TKT: variants seen among roughly 807,000 people sequenced by gnomAD.
TKT encodes the protein transketolase.
Under a neutral mutation model 63.9 loss-of-function variants are expected in TKT, and 47 were observed. That is an observed-to-expected ratio of 0.74 (90% CI 0.58 to 0.94). TKT has a LOEUF of 0.94. Ranked by LOEUF, TKT falls within the 40% of genes least tolerant of loss-of-function variation. TKT has a pLI of 0.00. For missense variants in TKT, 721 were observed against 846.2 expected, an observed-to-expected ratio of 0.85 and a Z score of 1.84; for synonymous variants, 338 against 334.1, an observed-to-expected ratio of 1.01 and a Z score of -0.13.
intron 1 of TKT, among the ~76,000 whole-genome samples, chr3:53,254,698 T>C (rs1354731924): frequency 6.6e-6 from 1 of 152,148 alleles, no homozygotes; most frequent in Non-Finnish European, 1.5e-5. Context: ...ACTGGAGTCC[T>C]TGAAACCACC....
chr3:53,247,633 CAAAAAAAA>C (rs3075723), intron 1 of TKT, among the ~76,000 whole-genome samples: 4 of 66,986 alleles, frequency 6.0e-5, no homozygotes, highest in African/African-American at 2.6e-4. Flanking sequence ...GACTCCACCT[CAAAAAAAA>C]AAAAAAAAAA....
At chr3:53,240,968 TAC>T (rs1553679675) in intron 3 of TKT, among the ~76,000 whole-genome samples, 162 bp downstream of exon 3, 1 of 152,204 alleles carries the variant, frequency 6.6e-6, no homozygotes, top group Non-Finnish European at 1.5e-5. Flanking sequence ...TTGGGTTGAA[TAC>T]GTGTCCCCAA....
chr3:53,241,471 T>G (rs1240166153), intron 2 of TKT, among the ~76,000 whole-genome samples: 1 of 152,218 alleles, frequency 6.6e-6, no homozygotes, highest in Non-Finnish European at 1.5e-5. Flanking sequence ...CTAAGACAGG[T>G]GCAGGGGGCA....
At chr3:53,232,798 G>A (rs1329165527) in intron 6 of TKT, 5 of 409,844 alleles carry the variant, frequency 1.2e-5, no homozygotes, top group East Asian at 7.2e-5. Flanking sequence ...CCTTCAGCTG[G>A]AGCAGGTGGC....
intron 4 of TKT, chr3:53,235,419 G>T: frequency 2.4e-6 from 1 of 423,280 alleles, no homozygotes; most frequent in Non-Finnish European, 4.2e-6. Context: ...AGTACTGGTT[G>T]TTAAGAAACA....
In TKT at chr3:53,229,094, C is replaced by T. The variant is rs1553676284; in HGVS notation, c.1308G>A (p.Met436Ile). ...CAGTTGATGTGGGGACTGACCGAAA[C>T]ATAGCCAGATCTTCTAGGGCCATCT... The part of the protein sequence containing the change: ...PSQMALEDLA[M>I]FRSVPTSTVF... The change falls in exon 10 of 14, where the codon ATG (methionine) becomes ATA (isoleucine). Residue 436 changes from methionine to isoleucine, a missense_variant. Transcript: ENST00000462138. 1.2e-6 allele frequency: 2 copies of T among 1,614,072 alleles called. No homozygotes were observed. Among genetic ancestry groups the T allele is most frequent in the African/African-American group, 2.7e-5 (2 of 74,934 alleles).
At chr3:53,242,331 A>C in intron 1 of TKT, 89 bp from the exon 2 acceptor site, 3 of 1,287,910 alleles carry the variant, frequency 2.3e-6, no homozygotes, top group Non-Finnish European at 3.4e-6. Context: ...CTGGGGGTGC[A>C]TGTCCTGAGG....
In TKT at chr3:53,226,849, A is replaced by G; in HGVS notation, c.1603T>C (p.Phe535Leu). The change falls in exon 13 of 14, where the codon TTC becomes CTC. Residue 535 changes from phenylalanine (F) to leucine (L), a missense_variant. Physicochemically the swap from Phe to Leu is conservative, Grantham distance 22. Coordinates refer to ENST00000462138, the MANE Select transcript of TKT (RefSeq NM_001064.4). Reference sequence around the variant, plus strand: ...TTTCTGTCCAGGGGCTTGATGGTGAAGGGGTCCAGCACGCGGATGTTGATC... The same window carrying G: ...TTTCTGTCCAGGGGCTTGATGGTGAGGGGGTCCAGCACGCGGATGTTGATC... ...EKINIRVLDP[F>L]TIKPLDRKLI... 6.2e-7 allele frequency: 1 copy of G among 1,613,426 alleles called. No homozygotes were observed. The highest frequency in any genetic ancestry group is 8.5e-7 in the Non-Finnish European group (1 of 1,179,628).
At chr3:53,243,164 T>C (rs369848221) in intron 1 of TKT, among the ~76,000 whole-genome samples, 24 of 152,206 alleles carry the variant, frequency 1.6e-4, no homozygotes, top group African/African-American at 5.5e-4. Flanking sequence ...TTTTAATCAC[T>C]GAGCGGCTCC....
intron 1 of TKT, among the ~76,000 whole-genome samples, chr3:53,254,279 C>A (rs963121055): frequency 1.6e-4 from 24 of 152,310 alleles, no homozygotes; most frequent in African/African-American, 5.1e-4. Flanking sequence ...GCAGAGCTAC[C>A]GTGTGCCAGG....
chr3:53,249,580 G>A (rs1705661946), intron 1 of TKT, among the ~76,000 whole-genome samples: 1 of 152,148 alleles, frequency 6.6e-6, no homozygotes, highest in African/African-American at 2.4e-5. Flanking sequence ...GCGAGACTCT[G>A]TCAAACAAAC....
intron 3 of TKT, 29 bp from the exon 4 acceptor site, chr3:53,240,377 TGA>T (rs1553679557): frequency 6.3e-7 from 1 of 1,597,060 alleles, no homozygotes; most frequent in Admixed American, 1.7e-5. Context: ...ACCGTTAATC[TGA>T]GAGGAGAAGG....
Position 53,228,329 on chromosome 3 carries a change from CTGGGCGGCT to C in TKT, c.1417_1425del (p.Ser473_Pro475del). The C allele has an allele frequency of 6.2e-7, 1 of 1,614,186 alleles. No individual in the cohort carries two copies. Among genetic ancestry groups the C allele is most frequent in the Non-Finnish European group, 8.5e-7 (1 of 1,180,028 alleles). On this transcript the variant is annotated inframe_deletion, in exon 11 of 14. Transcript: ENST00000462138. ...TTGTTGTTATAGATGATGGCATTTT[CTGGGCGGCT>C]GGTCCGGATGAAGCAGATACCCTGA...
chr3:53,231,644 C>A (rs551613216), intron 6 of TKT, 94 bp from the exon 7 acceptor site: 538 of 1,331,142 alleles, frequency 4.0e-4, no homozygotes, highest in Non-Finnish European at 5.3e-4. Flanking sequence ...CTCTACCTGC[C>A]GAGGGCAAGG....
At chr3:53,254,888 G>A (rs1705913839) in intron 1 of TKT, among the ~76,000 whole-genome samples, 1 of 152,170 alleles carries the variant, frequency 6.6e-6, no homozygotes, top group South Asian at 2.1e-4. Context: ...CCACCTTCTG[G>A]GCCAAAAGGG....
intron 1 of TKT, among the ~76,000 whole-genome samples, chr3:53,243,947 C>G (rs1168124980): frequency 2.0e-5 from 3 of 152,218 alleles, no homozygotes; most frequent in African/African-American, 7.2e-5. Context: ...CTGCCCCATC[C>G]ACCTCGACAC....
At chr3:53,248,360 T>C (rs1559659408) in intron 1 of TKT, among the ~76,000 whole-genome samples, 1 of 152,186 alleles carries the variant, frequency 6.6e-6, no homozygotes. Flanking sequence ...AATGAAGGGC[T>C]GGGCGTGGTG....
chr3:53,240,148 A>C, intron 4 of TKT, 103 bp downstream of exon 4: 1 of 1,132,012 alleles, frequency 8.8e-7, no homozygotes, highest in Non-Finnish European at 1.3e-6. Flanking sequence ...ACTCTGCCCT[A>C]GCCAGGAAAG....
At chr3:53,242,950 T>C (rs921391121) in intron 1 of TKT, among the ~76,000 whole-genome samples, 5 of 152,172 alleles carry the variant, frequency 3.3e-5, no homozygotes, top group Non-Finnish European at 7.4e-5. Context: ...GTTTGAGGGC[T>C]GCTGTAGCAA....
Sources: allele counts gnomAD v4.1 joint callset (sites outside exome capture counted in the v4.1 genomes callset), GRCh38; gene constraint gnomAD v4.1.1; transcripts MANE v1.5; gene names NCBI Gene and HGNC (gene_info 2026-07-23, HGNC 2026-07-21).